The following CSMD1 variants were observed in gnomAD, a reference collection of about 807,000 sequenced individuals.
The protein encoded by CSMD1 is CUB and sushi domain-containing protein 1.
CSMD1 carries 213 observed loss-of-function variants against 417.5 expected under a neutral mutation model. The ratio of observed to expected loss-of-function variants is 0.51; its 90% CI spans 0.46 to 0.57. CSMD1 has a LOEUF of 0.57. Ranked by LOEUF, CSMD1 falls within the 20% of genes least tolerant of loss-of-function variation. The pLI is 0.00. For missense variants in CSMD1, 6,923 were observed against 4,529.7 expected (o/e 1.53, Z -15.17); for synonymous variants, 2,862 against 1,736.8 (o/e 1.65, Z -16.11).
At position 4,015,923 on chromosome 8, in the gene CSMD1, A is replaced by C. The variant is rs140841368; in HGVS notation, c.610+15982T>G. On this transcript the variant is annotated intron_variant, in intron 4 of 69. Transcript: ENST00000635120. ...AGAAACAAACAAATGGCAACAAACA[A>C]CAAAATGTCTCTTCAACTGCCCCCA... Among the ~76,000 whole-genome samples, 4 of 152,310 alleles carry C rather than the reference A, an allele frequency of 2.6e-5. No individual in the cohort carries two copies. The East Asian group carries it at 7.7e-4, about 29-fold the overall frequency.
rs574805596 is a variant in CSMD1 at position 4,038,592 on chromosome 8, G to A, written c.416-6493C>T. Among the ~76,000 whole-genome samples the A allele has an allele frequency of 2.6e-5, 4 of 152,286 alleles. No homozygotes were observed. The East Asian group carries it at 5.8e-4, about 22-fold the overall frequency. On this transcript the variant is annotated intron_variant, in intron 3 of 69. Transcript: ENST00000635120. ...TCTCTTTGTGACTCCCAGAAGTAAT[G>A]AATACACATGAAGAATTTAGTAAAT...
Position 4,346,680 on chromosome 8 carries a change from C to T in CSMD1, c.415+73273G>A, listed in dbSNP as rs148593320. On this transcript the variant is annotated intron_variant, in intron 3 of 69. Transcript: ENST00000635120. The stretch of plus-strand genomic sequence containing the variant: ...AATTTTGAATTTTTTTTCTAATTTG[C>T]CTCGTATGAGTGCTAGTCAGAAATG... 2.0e-4 allele frequency among the ~76,000 whole-genome samples: 30 copies of T among 152,076 alleles called. No homozygotes were observed. The East Asian group carries it at 5.4e-3, about 27-fold the overall frequency.
At chr8:3,214,762 G>A (rs1039007380) in intron 29 of CSMD1, 71 bp from the exon 30 acceptor site, 1 of 1,295,328 alleles carries the variant, frequency 7.7e-7, no homozygotes, top group South Asian at 1.5e-5. Flanking sequence ...TGTTTGTTGG[G>A]TTGGTTCTTT....
chr8:3,311,471 A>AACTCCTGACCTCAAGTGATTT (rs11272272), intron 23 of CSMD1, among the ~76,000 whole-genome samples: 3,511 of 152,152 alleles, frequency 0.023, 153 homozygotes, highest in African/African-American at 0.078. Flanking sequence ...GCTTGTCTCA[A>AACTCCTGACCTCAAGTGATTT]ACTCCTGACC....
At chr8:4,729,828 A>G (rs1809727742) in intron 1 of CSMD1, among the ~76,000 whole-genome samples, 1 of 152,202 alleles carries the variant, frequency 6.6e-6, no homozygotes, top group African/African-American at 2.4e-5. Context: ...CAATCACAGT[A>G]AAAGCAAAGA....
At chr8:4,826,860 A>G (rs973935746) in intron 1 of CSMD1, among the ~76,000 whole-genome samples, 1 of 152,114 alleles carries the variant, frequency 6.6e-6, no homozygotes, top group Non-Finnish European at 1.5e-5. Context: ...CAGCTGACGG[A>G]TAAGAAAAAC....
chr8:3,043,247 A>G (rs149202541), intron 50 of CSMD1, among the ~76,000 whole-genome samples: 486 of 144,322 alleles, frequency 3.4e-3, no homozygotes, highest in African/African-American at 0.013. Flanking sequence ...CTGTAGGATT[A>G]TATGTACATA....
At chr8:3,586,329 A>AT in intron 8 of CSMD1, 69 bp from the exon 9 acceptor site, 1 of 1,433,074 alleles carries the variant, frequency 7.0e-7, no homozygotes, top group Non-Finnish European at 9.3e-7. Context: ...AAAAAAAAAA[A>AT]AATCAGCAAA....
chr8:4,136,292 C>CT (rs1172146994), intron 3 of CSMD1, among the ~76,000 whole-genome samples: 2 of 152,170 alleles, frequency 1.3e-5, no homozygotes, highest in African/African-American at 2.4e-5. Flanking sequence ...CAGGGACCAT[C>CT]TTTTTTTAGC....
chr8:4,659,034 G>C (rs1392105045), intron 1 of CSMD1, among the ~76,000 whole-genome samples: 1 of 151,936 alleles, frequency 6.6e-6, no homozygotes, highest in Non-Finnish European at 1.5e-5. Flanking sequence ...AGTCAAAATG[G>C]TACACTACAA....
chr8:3,654,680 C>T (rs2117406261), intron 7 of CSMD1, among the ~76,000 whole-genome samples: 1 of 152,294 alleles, frequency 6.6e-6, no homozygotes, highest in East Asian at 1.9e-4. Flanking sequence ...GTAAGACTGG[C>T]TGAGATTCGG....
At position 3,557,982 on chromosome 8, in the gene CSMD1, G is replaced by C. The variant is rs191162711; in HGVS notation, c.1344+16963C>G. Among the ~76,000 whole-genome samples the C allele has an allele frequency of 1.4e-3, 220 of 152,178 alleles. 1 individual carries two copies. The highest frequency in any genetic ancestry group is 5.0e-3 in the African/African-American group (209 of 41,516). ...TGTGCTACTACTCCAATGATGAATG[G>C]TGCCTCAGTGGTACCCTGTGTCCAC... On this transcript the variant is annotated intron_variant, in intron 10 of 69. Coordinates refer to ENST00000635120, the MANE Select transcript of CSMD1 (RefSeq NM_033225.6).
At chr8:4,917,620 C>A (rs971319879) in intron 1 of CSMD1, among the ~76,000 whole-genome samples, 2 of 151,548 alleles carry the variant, frequency 1.3e-5, no homozygotes, top group Non-Finnish European at 2.9e-5. Context: ...GGCGACAGAG[C>A]GAGACTCCGT....
At chr8:3,409,749 G>T in intron 12 of CSMD1, 144 bp from the exon 13 acceptor site, 1 of 609,510 alleles carries the variant, frequency 1.6e-6, no homozygotes, top group South Asian at 2.8e-5. Context: ...ATATTCAATT[G>T]ATCTTAAATT....
chr8:4,894,268 T>G (rs188975768), intron 1 of CSMD1, among the ~76,000 whole-genome samples: 28 of 152,204 alleles, frequency 1.8e-4, no homozygotes, highest in African/African-American at 6.7e-4. Context: ...CTATCAAGTC[T>G]TTTGTTTTGC....
intron 1 of CSMD1, among the ~76,000 whole-genome samples, chr8:4,831,802 C>G (rs1054453774): frequency 6.6e-6 from 1 of 152,132 alleles, no homozygotes; most frequent in African/African-American, 2.4e-5. Flanking sequence ...CTTCAGGGAC[C>G]AGCATCTCCC....
intron 1 of CSMD1, among the ~76,000 whole-genome samples, chr8:4,655,875 A>T (rs2130907500): frequency 6.6e-6 from 1 of 152,306 alleles, no homozygotes; most frequent in African/African-American, 2.4e-5. Flanking sequence ...AGCATGTTTC[A>T]TTATTCATCA....
At chr8:4,475,849 G>T (rs910944927) in intron 2 of CSMD1, among the ~76,000 whole-genome samples, 1 of 152,052 alleles carries the variant, frequency 6.6e-6, no homozygotes, top group Non-Finnish European at 1.5e-5. Context: ...CTGACCTCAG[G>T]TGATCCACCT....
chr8:4,596,125 C>A (rs1266801098), intron 2 of CSMD1, among the ~76,000 whole-genome samples: 2 of 152,024 alleles, frequency 1.3e-5, no homozygotes, highest in African/African-American at 4.8e-5. Flanking sequence ...GAATGTAGTT[C>A]CAGTATCTAA....
Sources: allele counts gnomAD v4.1 joint callset (sites outside exome capture counted in the v4.1 genomes callset), GRCh38; gene constraint gnomAD v4.1.1; transcripts MANE v1.5; gene names NCBI Gene and HGNC (gene_info 2026-07-23, HGNC 2026-07-21).